DYM: variants seen among roughly 807,000 people sequenced by gnomAD.
DYM encodes the protein dyggve-Melchior-Clausen syndrome protein.
In DYM, 78 loss-of-function variants were observed where a neutral mutation model predicts 93.1. That is an observed-to-expected ratio of 0.84 (90% CI 0.70 to 1.01). DYM has a LOEUF of 1.01. DYM is among the 50% of genes least tolerant of loss of function. The probability of loss-of-function intolerance (pLI) is 0.00; values close to 1 mark genes in which losing one functional copy is unlikely to be tolerated. For missense variants in DYM, 789 were observed against 845.0 expected (o/e 0.93, Z 0.82); for synonymous variants, 321 against 319.7 (o/e 1.00, Z -0.04).
intron 10 of DYM, among the ~76,000 whole-genome samples, chr18:49,274,137 C>A (rs2094785463): frequency 6.6e-6 from 1 of 151,984 alleles, no homozygotes; most frequent in Non-Finnish European, 1.5e-5. Flanking sequence ...AAACAAACCC[C>A]ATACCCTTTA....
intron 3 of DYM, among the ~76,000 whole-genome samples, chr18:49,389,718 G>A (rs1471332829): frequency 6.6e-6 from 1 of 151,928 alleles, no homozygotes; most frequent in Non-Finnish European, 1.5e-5. Flanking sequence ...TGTAAGAGAT[G>A]GGGTCTTATT....
chr18:49,373,403 T>C (rs368554289), intron 5 of DYM, among the ~76,000 whole-genome samples: 28 of 152,304 alleles, frequency 1.8e-4, no homozygotes, highest in African/African-American at 6.5e-4. Flanking sequence ...CTCCCCTTTT[T>C]AGACCATATA....
chr18:49,047,153 T>C (rs2071698494), intron 17 of DYM, among the ~76,000 whole-genome samples: 1 of 152,206 alleles, frequency 6.6e-6, no homozygotes, highest in Non-Finnish European at 1.5e-5. Flanking sequence ...CCCCACTTTG[T>C]GGCTACCAGA....
At chr18:49,319,768 G>A (rs972241545) in intron 8 of DYM, among the ~76,000 whole-genome samples, 6 of 152,124 alleles carry the variant, frequency 3.9e-5, no homozygotes, top group Admixed American at 6.5e-5. Context: ...GCCAAAAGTC[G>A]TATCCTCTTC....
At chr18:49,456,325 G>T (rs80312748) in intron 1 of DYM, among the ~76,000 whole-genome samples, 1,655 of 152,196 alleles carry the variant, frequency 0.011, 30 homozygotes, top group African/African-American at 0.038. Flanking sequence ...TTATTTTTCA[G>T]GTCTCTGTTA....
At chr18:49,144,991 T>A (rs953196936) in intron 15 of DYM, among the ~76,000 whole-genome samples, 3 of 149,954 alleles carry the variant, frequency 2.0e-5, no homozygotes, top group African/African-American at 7.4e-5. Flanking sequence ...TCCCAGCTAC[T>A]CGAAAGGCTG....
intron 14 of DYM, 75 bp downstream of exon 14, chr18:49,209,476 G>A: frequency 1.0e-6 from 1 of 958,226 alleles, no homozygotes; most frequent in South Asian, 2.3e-5. Flanking sequence ...ATTGACACAT[G>A]TCTTATTAAA....
At chr18:49,112,885 C>CA (rs1407840957) in intron 16 of DYM, among the ~76,000 whole-genome samples, 12 of 152,164 alleles carry the variant, frequency 7.9e-5, no homozygotes, top group African/African-American at 2.9e-4. Context: ...CTGCATAGCT[C>CA]ACTCTCTACC....
At chr18:49,228,089 A>G (rs1332317855) in intron 13 of DYM, among the ~76,000 whole-genome samples, 1 of 152,152 alleles carries the variant, frequency 6.6e-6, no homozygotes, top group Non-Finnish European at 1.5e-5. Flanking sequence ...TAATCATAGA[A>G]TCTTTGAGGG....
At chr18:49,044,713 G>A (rs1278410575) in intron 17 of DYM, among the ~76,000 whole-genome samples, 1 of 152,230 alleles carries the variant, frequency 6.6e-6, no homozygotes, top group Non-Finnish European at 1.5e-5. Flanking sequence ...AGGAGCGGGG[G>A]TCTGGGGTGG....
chr18:49,334,489 A>C (rs571243850), intron 6 of DYM, among the ~76,000 whole-genome samples: 6 of 152,222 alleles, frequency 3.9e-5, no homozygotes, highest in Non-Finnish European at 8.8e-5. Flanking sequence ...AAATAAAAAG[A>C]AAAAGATTCA....
intron 17 of DYM, among the ~76,000 whole-genome samples, chr18:49,056,838 C>T (rs1032383195): frequency 1.5e-4 from 23 of 152,186 alleles, no homozygotes; most frequent in Non-Finnish European, 2.4e-4. Flanking sequence ...TGAGCCACCG[C>T]GCCCGGCCAC....
chr18:49,066,318 T>C (rs933422625), intron 17 of DYM, among the ~76,000 whole-genome samples: 1 of 152,194 alleles, frequency 6.6e-6, no homozygotes, highest in African/African-American at 2.4e-5. Context: ...CTGCATTCCA[T>C]AGCCCTCTCG....
chr18:49,272,389 C>G (rs1321703595), intron 10 of DYM, 86 bp from the exon 11 acceptor site: 2 of 953,462 alleles, frequency 2.1e-6, no homozygotes, highest in East Asian at 5.3e-5. Flanking sequence ...ATTTTGTGCT[C>G]TTTGCTTTAA....
intron 13 of DYM, among the ~76,000 whole-genome samples, chr18:49,250,413 C>T (rs767541347): frequency 1.3e-5 from 2 of 152,224 alleles, no homozygotes; most frequent in Non-Finnish European, 2.9e-5. Context: ...GTAACCATAT[C>T]CAGATCTTCT....
At chr18:49,116,541 A>G (rs1214442411) in intron 16 of DYM, 1 of 152,250 alleles carries the variant, frequency 6.6e-6, no homozygotes, top group Non-Finnish European at 1.5e-5. Flanking sequence ...TTTCTACTGA[A>G]TGTTATAATC....
chr18:49,392,959 C>A (rs1217606418), intron 2 of DYM, among the ~76,000 whole-genome samples: 3 of 143,628 alleles, frequency 2.1e-5, no homozygotes, highest in Non-Finnish European at 4.5e-5. Context: ...CGTGCCACTG[C>A]ACTCCAACCT....
chr18:49,147,766 A>G (rs541742728), intron 15 of DYM, among the ~76,000 whole-genome samples: 157 of 152,306 alleles, frequency 1.0e-3, no homozygotes, highest in Middle Eastern at 6.8e-3. Context: ...TAGTTCAACC[A>G]TTGTGGAAGT....
At chr18:49,243,662 G>A in intron 13 of DYM, among the ~76,000 whole-genome samples, 1 of 92,600 alleles carries the variant, frequency 1.1e-5, no homozygotes. Flanking sequence ...GCAAGGCTCT[G>A]TCTCAAAAAA....
Sources: allele counts gnomAD v4.1 joint callset (sites outside exome capture counted in the v4.1 genomes callset), GRCh38; gene constraint gnomAD v4.1.1; transcripts MANE v1.5; gene names NCBI Gene and HGNC (gene_info 2026-07-23, HGNC 2026-07-21).